The following MCM6 variants were observed in gnomAD, a reference collection of about 807,000 sequenced individuals.
MCM6 encodes DNA replication licensing factor MCM6.
MCM6 carries 46 observed loss-of-function variants against 94.3 expected under a neutral mutation model. The ratio of observed to expected loss-of-function variants is 0.49; its 90% confidence interval spans 0.39 to 0.62. The LOEUF is 0.62. Among genes scored for constraint, MCM6 ranks in the 20% least tolerant of loss-of-function variants. The probability of loss-of-function intolerance (pLI) is 0.00; values close to 1 mark genes in which losing one functional copy is unlikely to be tolerated. For synonymous variants in MCM6, 335 were observed against 351.9 expected, an observed-to-expected ratio of 0.95 and a Z score of 0.54; for missense variants, 865 against 1,017.9, an observed-to-expected ratio of 0.85 and a Z score of 2.04.
chr2:135,842,938 G>A (rs1184701452), intron 16 of MCM6, among the ~76,000 whole-genome samples: 1 of 152,170 alleles, frequency 6.6e-6, no homozygotes, highest in African/African-American at 2.4e-5. Context: ...AGGGAGGGTA[G>A]TAAAATAATC....
At chr2:135,869,269 C>T (rs1431401777) in intron 3 of MCM6, among the ~76,000 whole-genome samples, 1 of 151,874 alleles carries the variant, frequency 6.6e-6, no homozygotes, top group Non-Finnish European at 1.5e-5. Context: ...GTCGTGGTGG[C>T]GGGCGCCTGT....
At chr2:135,846,417 A>T in intron 14 of MCM6, 25 bp from the exon 15 acceptor site, 2 of 1,611,254 alleles carry the variant, frequency 1.2e-6, no homozygotes, top group African/African-American at 2.7e-5. Flanking sequence ...GACCACCTGA[A>T]TCTTATTTTT....
chr2:135,865,282 A>T, intron 6 of MCM6, 119 bp from the exon 7 acceptor site: 1 of 662,208 alleles, frequency 1.5e-6, no homozygotes, highest in African/African-American at 1.9e-5. Context: ...CAATTTATTG[A>T]CTGTAAAGGT....
At chr2:135,873,544 TTC>T (rs1465155731) in intron 1 of MCM6, among the ~76,000 whole-genome samples, 4 of 152,240 alleles carry the variant, frequency 2.6e-5, no homozygotes, top group African/African-American at 9.6e-5. Flanking sequence ...ACAAATTTAT[TTC>T]TGTTCTTTCA....
rs146955750 is a variant in MCM6 at position 135,852,829 on chromosome 2, A to G, written c.1713T>C (p.Asp571=). The G allele has an allele frequency of 1.9e-4, 298 of 1,609,872 alleles. 1 individual carries two copies. In the Middle Eastern group the frequency reaches 5.1e-3, roughly 28 times the overall value. ...ESIDRVYSLD[D]IRRYLLFARQ... ...TTGCAAAGAGAAGATATCTTCTGATATCATCGAGGGAATAGACACGATCAA... is the reference window on the plus strand; with the variant it reads ...TTGCAAAGAGAAGATATCTTCTGATGTCATCGAGGGAATAGACACGATCAA... The change falls in exon 12 of 17, where the codon GAT becomes GAC. Residue 571 remains aspartate (D), a synonymous_variant. Coordinates refer to ENST00000264156, the MANE Select transcript of MCM6 (RefSeq NM_005915.6).
chr2:135,854,551 AGAG>A (rs368600969), intron 11 of MCM6, among the ~76,000 whole-genome samples: 4,578 of 63,474 alleles, frequency 0.072, 77 homozygotes, highest in Middle Eastern at 0.097. Flanking sequence ...AAAAAAAAAA[AGAG>A]AAAAAGAAAA....
chr2:135,849,152 A>C (rs990120565), intron 13 of MCM6, among the ~76,000 whole-genome samples: 1 of 152,200 alleles, frequency 6.6e-6, no homozygotes, highest in Non-Finnish European at 1.5e-5. Context: ...GCATTTCTCT[A>C]TCCATTTGAA....
At chr2:135,844,797 C>T (rs557755912) in intron 15 of MCM6, 113 bp from the exon 16 acceptor site, 9 of 1,115,962 alleles carry the variant, frequency 8.1e-6, no homozygotes, top group Admixed American at 3.0e-5. Flanking sequence ...AATGTCAAGC[C>T]GTCCGAAAGT....
At position 135,846,420 on chromosome 2, in the gene MCM6, T is replaced by C. The variant is rs75799431; in HGVS notation, c.2054-28A>G. ...AAGTGAAAAATTGACCACCTGAATCTTATTTTTGTGCCCTTAACATCCCCT... is the reference window on the plus strand; with the variant it reads ...AAGTGAAAAATTGACCACCTGAATCCTATTTTTGTGCCCTTAACATCCCCT... On this transcript the variant is annotated intron_variant, in intron 14 of 16. Transcript: ENST00000264156. The C allele has an allele frequency of 3.0e-5, 48 of 1,608,990 alleles. 1 individual carries two copies. In the East Asian group the frequency reaches 9.6e-4, roughly 32 times the overall value.
At chr2:135,842,347 C>T (rs549865457) in intron 16 of MCM6, among the ~76,000 whole-genome samples, 10 of 152,242 alleles carry the variant, frequency 6.6e-5, no homozygotes, top group South Asian at 4.1e-4. Context: ...CACAGGAAAA[C>T]GGTTTTTGAG....
intron 10 of MCM6, among the ~76,000 whole-genome samples, chr2:135,857,235 T>A (rs545330813): frequency 6.6e-6 from 1 of 152,304 alleles, no homozygotes; most frequent in East Asian, 1.9e-4. Flanking sequence ...GGGAAATTAA[T>A]AAAAAACCAA....
chr2:135,860,960 C>T (rs1280415622), intron 8 of MCM6, among the ~76,000 whole-genome samples: 2 of 152,002 alleles, frequency 1.3e-5, no homozygotes, highest in Non-Finnish European at 2.9e-5. Context: ...ATAGAAAATG[C>T]TATGGAATCC....
chr2:135,871,243 A>C (rs1680194810), intron 2 of MCM6, among the ~76,000 whole-genome samples: 1 of 152,234 alleles, frequency 6.6e-6, no homozygotes, highest in Non-Finnish European at 1.5e-5. Flanking sequence ...CGCTACTCTC[A>C]GGAAAGAGAA....
chr2:135,866,664 A>T lies in MCM6; in HGVS notation c.680T>A (p.Ile227Asn), dbSNP rs747888863. 6.2e-7 allele frequency: 1 copy of T among 1,614,052 alleles called. No homozygotes were observed. Among genetic ancestry groups the T allele is most frequent in the African/African-American group, 1.3e-5 (1 of 74,938 alleles). Residue 227 changes from isoleucine (I) to asparagine (N), a missense_variant, in exon 5 of 17, where the codon ATT (isoleucine) becomes AAT (asparagine). Transcript: ENST00000264156. ...TGATTCCACAGCTTCAGCCCTTAAAATTACTTCTAAACTGCGGGGGATACT... is the reference window on the plus strand; with the variant it reads ...TGATTCCACAGCTTCAGCCCTTAAATTTACTTCTAAACTGCGGGGGATACT... ...RGSIPRSLEVILRAEAVESAQ... is the reference protein window; with the variant it reads ...RGSIPRSLEVNLRAEAVESAQ...
intron 16 of MCM6, 110 bp from the exon 17 acceptor site, chr2:135,841,061 T>C (rs1679561583): frequency 2.6e-6 from 2 of 773,376 alleles, no homozygotes; most frequent in Non-Finnish European, 4.4e-6. Flanking sequence ...TTTTCTTTCA[T>C]TTCCCAACTA....
Position 135,861,976 on chromosome 2 carries a change from C to T in MCM6, c.1220+631G>A, listed in dbSNP as rs544481891. On this transcript the variant is annotated intron_variant, in intron 8 of 16. Coordinates refer to ENST00000264156, the MANE Select transcript of MCM6 (RefSeq NM_005915.6). The stretch of plus-strand genomic sequence containing the variant: ...ATTCTTAGTCTCAACAATCCTGTAT[C>T]TAGCAATTTACCCAGAGGAAACAAA... 5.9e-5 allele frequency among the ~76,000 whole-genome samples: 9 copies of T among 152,234 alleles called. No homozygotes were observed. In the South Asian group the frequency reaches 1.9e-3, roughly 32 times the overall value.
chr2:135,863,810 T>C (rs1034360439), intron 7 of MCM6, among the ~76,000 whole-genome samples: 1 of 150,338 alleles, frequency 6.7e-6, no homozygotes, highest in Non-Finnish European at 1.5e-5. Flanking sequence ...CTCTGACTTA[T>C]ATTTAGATAG....
At chr2:135,871,367 A>G (rs1461508892) in intron 2 of MCM6, among the ~76,000 whole-genome samples, 1 of 152,182 alleles carries the variant, frequency 6.6e-6, no homozygotes, top group East Asian at 1.9e-4. Context: ...ATGCTTTCAC[A>G]ATAAATCCTG....
intron 4 of MCM6, 123 bp from the exon 5 acceptor site, chr2:135,866,851 T>A: frequency 4.2e-6 from 3 of 718,488 alleles, no homozygotes; most frequent in Non-Finnish European, 6.5e-6. Context: ...AGCAGACTTT[T>A]CACATGTACC....
Sources: allele counts gnomAD v4.1 joint callset (sites outside exome capture counted in the v4.1 genomes callset), GRCh38; gene constraint gnomAD v4.1.1; transcripts MANE v1.5; gene names NCBI Gene and HGNC (gene_info 2026-07-23, HGNC 2026-07-21).